Variants in LRCH4 observed in about 807,000 individuals in gnomAD.
LRCH4 encodes leucine-rich repeat and calponin homology domain-containing protein 4.
In LRCH4, 56 loss-of-function variants were observed where a neutral mutation model predicts 81.2. That is an observed-to-expected ratio of 0.69 (90% CI 0.56 to 0.86). The LOEUF (loss-of-function observed/expected upper bound fraction) is 0.86. Among genes scored for constraint, LRCH4 ranks in the 40% least tolerant of loss-of-function variants. The pLI is 0.00. For synonymous variants in LRCH4, 442 were observed against 409.7 expected (o/e 1.08, Z -0.95); for missense variants, 895 against 922.8 (o/e 0.97, Z 0.39).
At chr7:100,576,558 C>A (rs182409991) in intron 14 of LRCH4, 136 bp downstream of exon 14, 23 of 804,164 alleles carry the variant, frequency 2.9e-5, no homozygotes, top group Non-Finnish European at 4.4e-5. Flanking sequence ...GCCACCACAC[C>A]CGGCTTGCTT....
chr7:100,574,306 T>C lies in LRCH4; in HGVS notation c.*801A>G, dbSNP rs1047106495. 13 of 174,154 alleles carry C rather than the reference T, an allele frequency of 7.5e-5. No homozygotes were observed. Among genetic ancestry groups the C allele is most frequent in the Admixed American group, 5.8e-4 (9 of 15,406 alleles). The allele number at this position is 174,154 out of a possible 1,614,324, so 10.8% of individuals were successfully genotyped here. ...CAGCAGCGATGTAGGGGAGGCCCCT[T>C]CCCGGGGCCCCCTCCTCTTCCAGGA... On this transcript the variant is annotated 3_prime_UTR_variant, in exon 18 of 18. Transcript: ENST00000310300.
intron 4 of LRCH4, chr7:100,580,352 T>G (rs1261308130): frequency 6.6e-6 from 1 of 151,492 alleles, no homozygotes; most frequent in Non-Finnish European, 1.5e-5. Flanking sequence ...GCCCCAGATC[T>G]TAGTCACATC....
At position 100,577,972 on chromosome 7, in the gene LRCH4, G is replaced by C. The variant is rs916185159; in HGVS notation, c.949-60C>G. The stretch of plus-strand genomic sequence containing the variant: ...CTCTGTACATGGGGGCTCAGGACCT[G>C]GGGGGTCCTGTGTGGGACTAAGCTC... On this transcript the variant is annotated intron_variant, in intron 7 of 17. Transcript: ENST00000310300. This position sits in a 1 kb window ranked among gnomAD's most constrained non-coding sequence, Gnocchi z 6.7. The C allele has an allele frequency of 4.2e-6, 6 of 1,419,210 alleles. No individual in the cohort carries two copies. Among genetic ancestry groups the C allele is most frequent in the East Asian group, 2.3e-5 (1 of 42,656 alleles). 87.9% of individuals were successfully genotyped at this position (1,419,210 alleles called of 1,614,324 possible). A position where few individuals can be genotyped will look rare whatever the true frequency, so the allele number is the denominator to read the frequency against.
intron 4 of LRCH4, 198 bp downstream of exon 4, chr7:100,581,579 A>G: frequency 1.8e-6 from 1 of 550,958 alleles, no homozygotes; most frequent in South Asian, 2.2e-5. Flanking sequence ...AGGAGCCGGC[A>G]GTCTGCAGCC....
At chr7:100,584,791 C>G in intron 1 of LRCH4, 1 of 456,610 alleles carries the variant, frequency 2.2e-6, no homozygotes, top group African/African-American at 2.0e-5. Context: ...CCCAGGTGAG[C>G]AGGCACCTGC....
rs376944603 is a variant in LRCH4 at position 100,575,986 on chromosome 7, C to T, written c.1661G>A (p.Arg554Gln). 3.7e-6 allele frequency: 6 copies of T among 1,606,276 alleles called. No homozygotes were observed. The highest frequency in any genetic ancestry group is 4.5e-5 in the East Asian group (2 of 44,776). The change falls in exon 16 of 18, where the codon CGG becomes CAG. Residue 554 changes from arginine to glutamine, a missense_variant. Transcript: ENST00000310300. The surrounding 1 kb of genome is among the most constrained non-coding windows in gnomAD (Gnocchi z 5.3). ...LRQVLESRLQRPLPEDLAEAL... is the reference protein window; with the variant it reads ...LRQVLESRLQQPLPEDLAEAL... ...CTCGGCCAGGTCCTCAGGCAGGGGC[C>T]GCTGCAGCCGGGACTCAAGGACCTG...
chr7:100,574,632 GCACA>G lies in LRCH4; in HGVS notation c.*471_*474del, dbSNP rs1554348415. The G allele has an allele frequency of 6.6e-5, 10 of 152,112 alleles. No individual in the cohort carries two copies. The highest frequency in any genetic ancestry group is 1.9e-4 in the East Asian group (1 of 5,160). The allele number at this position is 152,112 out of a possible 1,614,324, so 9.4% of individuals were successfully genotyped here. A position where few individuals can be genotyped will look rare whatever the true frequency, so the allele number is the denominator to read the frequency against. On this transcript the variant is annotated 3_prime_UTR_variant, in exon 18 of 18. Transcript: ENST00000310300. ...ACGCGGAGCAGACGCGCGCGCGCGC[GCACA>G]CACACACACACAGGCAGGGCGGCCA...
rs1358981556 is a variant in LRCH4 at position 100,581,720 on chromosome 7, TG to T, written c.598+56del. On this transcript the variant is annotated intron_variant, in intron 4 of 17. Transcript: ENST00000310300. ...CTGCAGTGTTTTCGTTACCGCAGCC[TG>T]AGCCAACTGGGACGCACATACAAAC... 2.7e-5 allele frequency: 41 copies of T among 1,513,256 alleles called. No individual in the cohort carries two copies. In the Admixed American group the frequency reaches 6.8e-4, roughly 25 times the overall value. 93.7% of individuals were successfully genotyped at this position (1,513,256 alleles called of 1,614,324 possible). A position where few individuals can be genotyped will look rare whatever the true frequency, so the allele number is the denominator to read the frequency against.
In LRCH4 at chr7:100,586,129, T is replaced by G. The variant is rs764879482; in HGVS notation, c.-29A>C. ...CTCCCGGCGGCTCCCGCTGCCTGAC[T>G]GACGGGACCGGCCGTCCCTCCTTCC... On this transcript the variant is annotated 5_prime_UTR_variant, in exon 1 of 18. Transcript: ENST00000310300. 1.0e-4 allele frequency: 149 copies of G among 1,494,354 alleles called. No homozygotes were observed. Among genetic ancestry groups the G allele is most frequent in the Non-Finnish European group, 1.2e-4 (138 of 1,118,834 alleles). 92.6% of individuals were successfully genotyped at this position (1,494,354 alleles called of 1,614,324 possible).
intron 1 of LRCH4, 96 bp downstream of exon 1, chr7:100,585,785 G>GT: frequency 7.5e-7 from 1 of 1,339,102 alleles, no homozygotes; most frequent in Admixed American, 3.1e-5. Flanking sequence ...TGGCCGCCAG[G>GT]TGAAGGGGCG....
chr7:100,578,305 C>A lies in LRCH4; in HGVS notation c.849-47G>T. 2 of 1,599,028 alleles carry A rather than the reference C, an allele frequency of 1.3e-6. No homozygotes were observed. Among genetic ancestry groups the A allele is most frequent in the East Asian group, 2.2e-5 (1 of 44,774 alleles). On this transcript the variant is annotated intron_variant, in intron 6 of 17. Coordinates refer to ENST00000310300, the MANE Select transcript of LRCH4 (RefSeq NM_002319.5). This position sits in a 1 kb window ranked among gnomAD's most constrained non-coding sequence, Gnocchi z 5.7. The stretch of plus-strand genomic sequence containing the variant: ...TGGTCAGCCTGATGCTGGACAACAG[C>A]CCCCCATCCTCCTGCCAGAAAGCAG...
chr7:100,582,934 T>C lies in LRCH4; in HGVS notation c.221-475A>G, dbSNP rs942074887. Among the ~76,000 whole-genome samples, 1 of 152,194 alleles carries C rather than the reference T, an allele frequency of 6.6e-6. No individual in the cohort carries two copies. The highest frequency in any genetic ancestry group is 1.5e-5 in the Non-Finnish European group (1 of 68,020). On this transcript the variant is annotated intron_variant, in intron 1 of 17. Coordinates refer to ENST00000310300, the MANE Select transcript of LRCH4 (RefSeq NM_002319.5). The surrounding 1 kb of genome is among the most constrained non-coding windows in gnomAD (Gnocchi z 5.0). ...ATCCCTCCTCGGGGCCCTTCTTCCC[T>C]ACTCCAGTGTGTTTTCAACACGGGA...
intron 1 of LRCH4, chr7:100,584,996 G>A: frequency 2.8e-6 from 1 of 353,668 alleles, no homozygotes; most frequent in South Asian, 2.1e-5. Flanking sequence ...TCACAGTTAA[G>A]TCCCCCACCC....
At position 100,578,927 on chromosome 7, in the gene LRCH4, G is replaced by C; in HGVS notation, c.599-141C>G. ...CCCTGGGTGGCTCAAGTCATTCCCC[G>C]GGAGAAACCTCCCTGCTCCTCTCTC... On this transcript the variant is annotated intron_variant, in intron 4 of 17. Transcript: ENST00000310300. This position sits in a 1 kb window ranked among gnomAD's most constrained non-coding sequence, Gnocchi z 5.7. 1 of 789,788 alleles carries C rather than the reference G, an allele frequency of 1.3e-6. No homozygotes were observed. Among genetic ancestry groups the C allele is most frequent in the South Asian group, 1.8e-5 (1 of 55,240 alleles). 48.9% of individuals were successfully genotyped at this position (789,788 alleles called of 1,614,324 possible).
At chr7:100,576,624 G>A (rs918752755) in intron 14 of LRCH4, 70 bp downstream of exon 14, 67 of 1,352,682 alleles carry the variant, frequency 5.0e-5, no homozygotes, top group Middle Eastern at 4.6e-4. Flanking sequence ...GGGCTCCCAG[G>A]GCAGAAGGGT....
In LRCH4 at chr7:100,577,739, C is replaced by A. The variant is rs545907901; in HGVS notation, c.1041G>T (p.Ala347=). 2 of 1,614,112 alleles carry A rather than the reference C, an allele frequency of 1.2e-6. No individual in the cohort carries two copies. Among genetic ancestry groups the A allele is most frequent in the Non-Finnish European group, 1.7e-6 (2 of 1,179,996 alleles). ...AGTCAATCTGCACAGGGTCTCCGTC[C>A]GCTGGGGAGGCCAGCATGTCAGCAA... ...GPRERKEDGS[A]DGDPVQIDFI... Residue 347 remains alanine (A), a splice_region_variant and synonymous_variant, in exon 9 of 18, where the codon GCG becomes GCT. Transcript: ENST00000310300. This position sits in a 1 kb window ranked among gnomAD's most constrained non-coding sequence, Gnocchi z 6.7.
rs765920224 is a variant in LRCH4, at chr7:100,576,673, TGGGGAGGGCAGGACA to T, written c.1552+6_1552+20del. On this transcript the variant is annotated splice_donor_region_variant and intron_variant, in intron 14 of 17. Transcript: ENST00000310300. ...GTGCTGGCAAGCACTGGGTCAGCAC[TGGGGAGGGCAGGACA>T]CCCACCTGAGCCACTCTGAGAGGAG... The T allele has an allele frequency of 2.7e-5, 43 of 1,572,708 alleles. No individual in the cohort carries two copies. The highest frequency in any genetic ancestry group is 3.6e-5 in the Non-Finnish European group (42 of 1,158,382).
At position 100,582,239 on chromosome 7, in the gene LRCH4, C is replaced by T. The variant is rs1207001855; in HGVS notation, c.366-72G>A. 1.9e-6 allele frequency: 3 copies of T among 1,613,262 alleles called. No homozygotes were observed. The East Asian group carries it at 6.7e-5, about 36-fold the overall frequency. ...CCCAGCACTGCCATCCTCTCGGGGT[C>T]ACTGGGTGGGTCACTCAGTAGTACT... On this transcript the variant is annotated intron_variant, in intron 2 of 17. Coordinates refer to ENST00000310300, the MANE Select transcript of LRCH4 (RefSeq NM_002319.5). This position sits in a 1 kb window ranked among gnomAD's most constrained non-coding sequence, Gnocchi z 5.0.
chr7:100,580,555 AAACACACACAACACATAC>A (rs1014886645), intron 4 of LRCH4: 1 of 150,484 alleles, frequency 6.6e-6, no homozygotes, highest in African/African-American at 2.5e-5. Context: ...ACACACACCC[AAACACACACAACACATAC>A]AACACACACA....
Sources: gnomAD v4.1 joint callset for allele counts (sites outside exome capture counted in the v4.1 genomes callset) on GRCh38, gnomAD v4.1.1 for gene constraint, Gnocchi (gnomAD v3.1) non-coding constraint, MANE v1.5 for transcripts, NCBI Gene and HGNC (gene_info 2026-07-23, HGNC 2026-07-21) for gene names.